Variants in MAGI3 observed in about 807,000 individuals in gnomAD.
The protein encoded by MAGI3 is membrane-associated guanylate kinase, WW and PDZ domain-containing protein 3.
In MAGI3, 43 loss-of-function variants were observed where a neutral mutation model predicts 121.8. The observed-to-expected ratio is 0.35, with a 90% CI of 0.28 to 0.46. The LOEUF (loss-of-function observed/expected upper bound fraction) is 0.46. Among genes scored for constraint, MAGI3 ranks in the 20% least tolerant of loss-of-function variants. The pLI is 1.00. For missense variants in MAGI3, 1,547 were observed against 1,797.3 expected (o/e 0.86, Z 2.52); for synonymous variants, 553 against 639.3 (o/e 0.86, Z 2.04).
chr1:113,494,670 G>A (rs1379355164), intron 1 of MAGI3, among the ~76,000 whole-genome samples: 9 of 152,120 alleles, frequency 5.9e-5, no homozygotes, highest in Admixed American at 4.6e-4. Context: ...TTAAAAGGTA[G>A]CATTCATAAG....
intron 6 of MAGI3, among the ~76,000 whole-genome samples, chr1:113,612,156 A>C (rs1038988708): frequency 2.6e-5 from 4 of 151,966 alleles, no homozygotes; most frequent in Non-Finnish European, 5.9e-5. Flanking sequence ...GTTGGCCAGG[A>C]TGGTCTCGAT....
At chr1:113,650,753 G>A (rs780879479) in intron 13 of MAGI3, among the ~76,000 whole-genome samples, 4 of 152,152 alleles carry the variant, frequency 2.6e-5, no homozygotes, top group African/African-American at 7.2e-5. Flanking sequence ...TGCTTTTTGA[G>A]TTATCGAACA....
At chr1:113,527,158 G>T (rs1658491309) in intron 1 of MAGI3, among the ~76,000 whole-genome samples, 1 of 152,242 alleles carries the variant, frequency 6.6e-6, no homozygotes, top group South Asian at 2.1e-4. Context: ...ATATGTCAGT[G>T]AGGGGGAGAA....
chr1:113,590,559 T>C lies in MAGI3; in HGVS notation c.839T>C (p.Met280Thr), dbSNP rs771358950. ...VPSYNQTNSS[M>T]DFRNYMMRDE... is the part of the protein sequence containing the mutation. Reference sequence around the variant, plus strand: ...AGTTACAACCAAACAAATAGCTCCATGGACTTTAGAAATTATATGATGAGA... The same window carrying C: ...AGTTACAACCAAACAAATAGCTCCACGGACTTTAGAAATTATATGATGAGA... Residue 280 changes from methionine to threonine, a missense_variant, in exon 5 of 21, where the codon ATG becomes ACG. By Grantham distance (81) the Met-to-Thr change is moderately conservative. Coordinates refer to ENST00000307546, the MANE Select transcript of MAGI3 (RefSeq NM_001142782.2). The C allele has an allele frequency of 3.1e-6, 5 of 1,613,800 alleles. No homozygotes were observed. The highest frequency in any genetic ancestry group is 4.2e-6 in the Non-Finnish European group (5 of 1,179,742).
intron 9 of MAGI3, among the ~76,000 whole-genome samples, chr1:113,633,263 T>G (rs1651773170): frequency 1.6e-5 from 1 of 63,910 alleles, no homozygotes; most frequent in South Asian, 7.7e-4. Context: ...TTTTTTTTTT[T>G]TTTTTTTTTT....
intron 1 of MAGI3, among the ~76,000 whole-genome samples, chr1:113,534,183 G>C (rs1003667866): frequency 6.6e-6 from 1 of 152,138 alleles, no homozygotes; most frequent in African/African-American, 2.4e-5. Flanking sequence ...TAATTGGTTT[G>C]TGGCTAAATT....
At chr1:113,434,745 T>C (rs1653477597) in intron 1 of MAGI3, among the ~76,000 whole-genome samples, 1 of 152,216 alleles carries the variant, frequency 6.6e-6, no homozygotes, top group Admixed American at 6.5e-5. Context: ...GTTCAACAAA[T>C]ATTTATTGTA....
At chr1:113,495,286 A>G (rs74832827) in intron 1 of MAGI3, among the ~76,000 whole-genome samples, 1 of 152,148 alleles carries the variant, frequency 6.6e-6, no homozygotes, top group Non-Finnish European at 1.5e-5. Flanking sequence ...ATACTGTTAT[A>G]TAATTCAGGA....
chr1:113,674,446 T>TA (rs1571034747), intron 19 of MAGI3, among the ~76,000 whole-genome samples: 1 of 150,422 alleles, frequency 6.6e-6, no homozygotes, highest in East Asian at 1.9e-4. Context: ...AAAAAAAACT[T>TA]AACTCACTGG....
rs1653337787 is a variant in MAGI3, at chr1:113,654,071, C to T, written c.2629+53C>T. ...TCCCTGCAAGTCCAGTTTTCTGAGG[C>T]TCCCACTGGAGTTTATGAAATAATT... On this transcript the variant is annotated intron_variant, in intron 15 of 20. Transcript: ENST00000307546. 6.3e-6 allele frequency: 9 copies of T among 1,419,478 alleles called. No homozygotes were observed. In the East Asian group the frequency reaches 1.9e-4, roughly 30 times the overall value. The allele number at this position is 1,419,478 out of a possible 1,614,324, so 87.9% of individuals were successfully genotyped here.
chr1:113,531,752 T>G (rs1658737774), intron 1 of MAGI3, among the ~76,000 whole-genome samples: 1 of 151,662 alleles, frequency 6.6e-6, no homozygotes, highest in Non-Finnish European at 1.5e-5. Context: ...GGGGACAGGG[T>G]ACCTTTCTCG....
intron 1 of MAGI3, among the ~76,000 whole-genome samples, chr1:113,416,305 T>TGTAATTAATTAC (rs2101358907): frequency 1.6e-5 from 2 of 127,600 alleles, no homozygotes; most frequent in African/African-American, 3.1e-5. Flanking sequence ...TAATTAATTA[T>TGTAATTAATTAC]GTAATTAATT....
At chr1:113,677,732 A>AT (rs371391891) in intron 19 of MAGI3, among the ~76,000 whole-genome samples, 1,849 of 151,784 alleles carry the variant, frequency 0.012, 47 homozygotes, top group African/African-American at 0.043. Flanking sequence ...TGGTTCTCCT[A>AT]TTTTTTTTCC....
intron 16 of MAGI3, among the ~76,000 whole-genome samples, chr1:113,661,194 T>TA (rs1653770075): frequency 6.6e-6 from 1 of 152,154 alleles, no homozygotes; most frequent in Admixed American, 6.5e-5. Flanking sequence ...ATAAACTGCA[T>TA]AAATACCCTA....
chr1:113,682,520 T>C (rs1195407651), intron 20 of MAGI3: 1 of 1,285,532 alleles, frequency 7.8e-7, no homozygotes, highest in East Asian at 3.3e-5. Flanking sequence ...TTTTGCCATA[T>C]CCTAAACTGT....
At chr1:113,623,144 T>TA (rs1298878717) in intron 9 of MAGI3, 150 bp downstream of exon 9, 43 of 558,846 alleles carry the variant, frequency 7.7e-5, no homozygotes, top group East Asian at 1.8e-4. Context: ...TACTTTAATT[T>TA]AAAAAAAAGT....
chr1:113,684,092 T>C lies in MAGI3; in HGVS notation c.*78T>C. 7.1e-7 allele frequency: 1 copy of C among 1,416,380 alleles called. No homozygotes were observed. Among genetic ancestry groups the C allele is most frequent in the Non-Finnish European group, 9.3e-7 (1 of 1,073,886 alleles). The allele number at this position is 1,416,380 out of a possible 1,614,324, so 87.7% of individuals were successfully genotyped here. On this transcript the variant is annotated 3_prime_UTR_variant, in exon 21 of 21. Coordinates refer to ENST00000307546, the MANE Select transcript of MAGI3 (RefSeq NM_001142782.2). Reference sequence around the variant, plus strand: ...TTTTTCCAGAAAAAGCCTTTTTTTTTTTTTCAGATATTCTGAAACAGATAA... The same window carrying C: ...TTTTTCCAGAAAAAGCCTTTTTTTTCTTTTCAGATATTCTGAAACAGATAA...
rs2101386121 is a variant in MAGI3 at position 113,422,572 on chromosome 1, A to G, written c.316+31223A>G. ...ACAGGCATGCCAGCTGCTGCGGGGCAGGGTGGCGGGGCAGGCAGCTCCCGG... is the reference window on the plus strand; with the variant it reads ...ACAGGCATGCCAGCTGCTGCGGGGCGGGGTGGCGGGGCAGGCAGCTCCCGG... On this transcript the variant is annotated intron_variant, in intron 1 of 20. Coordinates refer to ENST00000307546, the MANE Select transcript of MAGI3 (RefSeq NM_001142782.2). This position sits in a 1 kb window ranked among gnomAD's most constrained non-coding sequence, Gnocchi z 4.3. Among the ~76,000 whole-genome samples, 1 of 152,330 alleles carries G rather than the reference A, an allele frequency of 6.6e-6. No homozygotes were observed. Among genetic ancestry groups the G allele is most frequent in the South Asian group, 2.1e-4 (1 of 4,834 alleles).
At chr1:113,560,144 A>G (rs1460590638) in intron 2 of MAGI3, among the ~76,000 whole-genome samples, 3 of 152,190 alleles carry the variant, frequency 2.0e-5, no homozygotes, top group Non-Finnish European at 4.4e-5. Flanking sequence ...CTCCTCAGCA[A>G]ATGCAAAAGA....
Sources: allele counts gnomAD v4.1 joint callset (sites outside exome capture counted in the v4.1 genomes callset), GRCh38; gene constraint gnomAD v4.1.1; non-coding constraint Gnocchi (gnomAD v3.1); transcripts MANE v1.5; gene names NCBI Gene and HGNC (gene_info 2026-07-23, HGNC 2026-07-21).